PCNX3: variants seen among roughly 807,000 people sequenced by gnomAD.
PCNX3 encodes pecanex-like protein 3.
In PCNX3, 58 loss-of-function variants were observed where a neutral mutation model predicts 207.2. The ratio of observed to expected loss-of-function variants is 0.28; its 90% CI spans 0.23 to 0.35. PCNX3 has a LOEUF of 0.35. Among genes scored for constraint, PCNX3 ranks in the 10% least tolerant of loss-of-function variants. The probability of loss-of-function intolerance (pLI) is 1.00; values close to 1 mark genes in which losing one functional copy is unlikely to be tolerated. For synonymous variants in PCNX3, 1,337 were observed against 1,183.5 expected (o/e 1.13, Z -2.66); for missense variants, 2,410 against 2,774.4 (o/e 0.87, Z 2.95).
At position 65,622,156 on chromosome 11, in the gene PCNX3, GACCA is replaced by G; in HGVS notation, c.2236-88_2236-85del. 3 of 1,229,284 alleles carry G rather than the reference GACCA, an allele frequency of 2.4e-6. No homozygotes were observed. The South Asian group carries it at 4.3e-5, about 17-fold the overall frequency. 76.1% of individuals were successfully genotyped at this position (1,229,284 alleles called of 1,614,324 possible). A position where few individuals can be genotyped will look rare whatever the true frequency, so the allele number is the denominator to read the frequency against. On this transcript the variant is annotated intron_variant, in intron 10 of 34. Transcript: ENST00000355703. ...GGTGTGCTGAAGGGGGGTAACAGTA[GACCA>G]TGTGGGGGGTGGCGGGGCTGACGGC...
In PCNX3 at chr11:65,616,982, G is replaced by A. The variant is rs1305265707; in HGVS notation, c.312G>A (p.Glu104=). Residue 104 remains glutamate, a synonymous_variant, in exon 2 of 35, where the codon GAG becomes GAA. Transcript: ENST00000355703. ...RSSTMGELEE[E]PAQGDSNPPR... is the part of the protein sequence containing the mutation. ...CTACCATGGGGGAGCTGGAGGAAGA[G>A]CCTGCCCAGGGGGACAGCAATCCAC... The A allele has an allele frequency of 5.0e-6, 8 of 1,612,222 alleles. No individual in the cohort carries two copies. The highest frequency in any genetic ancestry group is 2.2e-5 in the East Asian group (1 of 44,876).
intron 23 of PCNX3, 38 bp downstream of exon 23, chr11:65,628,741 G>T (rs780275691): frequency 6.8e-5 from 109 of 1,603,988 alleles, no homozygotes; most frequent in Non-Finnish European, 9.2e-5. Context: ...GTGCAGGGAG[G>T]GCTGTGGCCT....
At chr11:65,626,758 C>A in intron 20 of PCNX3, 146 bp from the exon 21 acceptor site, 1 of 1,204,328 alleles carries the variant, frequency 8.3e-7, no homozygotes, top group South Asian at 1.5e-5. Context: ...GGGCTCGCTG[C>A]TCCCATTTGA....
chr11:65,616,716 A>G, intron 1 of PCNX3, 108 bp from the exon 2 acceptor site: 1 of 1,274,490 alleles, frequency 7.8e-7, no homozygotes. Context: ...TGGAGAGGTG[A>G]TGAAATTTTC....
At position 65,628,975 on chromosome 11, in the gene PCNX3, G is replaced by A. The variant is rs375053200; in HGVS notation, c.3941+27G>A. 59 of 1,607,578 alleles carry A rather than the reference G, an allele frequency of 3.7e-5. No homozygotes were observed. The African/African-American group carries it at 6.9e-4, about 19-fold the overall frequency. ...TGAGTCTCACAGGAGGCGGGAGCAT[G>A]CCCAGCAGGGCAGGAAGGGAGAGGT... On this transcript the variant is annotated intron_variant, in intron 24 of 34. Coordinates refer to ENST00000355703, the MANE Select transcript of PCNX3 (RefSeq NM_032223.4).
In PCNX3 at chr11:65,618,342, C is replaced by A; in HGVS notation, c.980C>A (p.Pro327Gln). The A allele has an allele frequency of 1.2e-6, 2 of 1,611,988 alleles. No homozygotes were observed. Among genetic ancestry groups the A allele is most frequent in the African/African-American group, 1.3e-5 (1 of 75,062 alleles). The change falls in exon 6 of 35, where the codon CCA becomes CAA. Residue 327 changes from proline (P) to glutamine (Q), a missense_variant. Around this residue, in one of 8 missense-constraint regions of PCNX3, gnomAD observed 1,104 missense variants for 970.3 expected, o/e 1.14. Coordinates refer to ENST00000355703, the MANE Select transcript of PCNX3 (RefSeq NM_032223.4). ...AACTCCACCCATCTGGACAGCCCCC[C>A]AGGGGGGCCAGCCCCTGAGGGCAGC... ...KTNSTHLDSP[P>Q]GGPAPEGSDT...
At chr11:65,622,099 T>C (rs948359977) in intron 10 of PCNX3, 146 bp from the exon 11 acceptor site, 5 of 1,380,634 alleles carry the variant, frequency 3.6e-6, no homozygotes. Context: ...GACAGGGGCC[T>C]TTATGTGCTG....
chr11:65,618,865 C>T lies in PCNX3; in HGVS notation c.1503C>T (p.Ala501=). 1.2e-6 allele frequency: 2 copies of T among 1,610,856 alleles called. No homozygotes were observed. The highest frequency in any genetic ancestry group is 1.7e-6 in the Non-Finnish European group (2 of 1,179,144). Residue 501 remains alanine (A), a synonymous_variant, in exon 6 of 35, where the codon GCC becomes GCT. Transcript: ENST00000355703. ...TPSTASAKTH[A]RVLSMDGAGG... ...GTACCGCCAGCGCTAAAACACATGCCCGTGTGCTGAGCATGGATGGGGCTG... is the reference window on the plus strand; with the variant it reads ...GTACCGCCAGCGCTAAAACACATGCTCGTGTGCTGAGCATGGATGGGGCTG...
chr11:65,636,897 G>A lies in PCNX3; in HGVS notation c.6024G>A (p.Met2008Ile), dbSNP rs757165824. The change falls in exon 35 of 35, where the codon ATG becomes ATA. Residue 2008 changes from methionine to isoleucine, a missense_variant. By Grantham distance (10) the Met-to-Ile change is conservative. Around this residue, in one of 8 missense-constraint regions of PCNX3, gnomAD observed 278 missense variants for 245.1 expected, o/e 1.13. Transcript: ENST00000355703. Reference protein sequence around the residue: ...DSSAPESGTPMGALGDWPAPI... With the variant: ...DSSAPESGTPIGALGDWPAPI... ...GTGCCCCTGAGAGTGGCACACCTAT[G>A]GGTGCCCTGGGCGACTGGCCTGCCC... The A allele has an allele frequency of 8.4e-6, 13 of 1,554,758 alleles. 1 individual carries two copies. In the South Asian group the frequency reaches 1.4e-4, roughly 17 times the overall value.
At position 65,618,783 on chromosome 11, in the gene PCNX3, C is replaced by T; in HGVS notation, c.1421C>T (p.Ala474Val). The change falls in exon 6 of 35, where the codon GCT becomes GTT. Residue 474 changes from alanine (A) to valine (V), a missense_variant. Ala to Val is a moderately conservative substitution (Grantham distance 64). Around this residue, in one of 8 missense-constraint regions of PCNX3, gnomAD observed 1,104 missense variants for 970.3 expected, o/e 1.14. Transcript: ENST00000355703. ...CGGAAGCGGAGGGCCCCCCATGGGG[C>T]TGAGGAGGGAACTGCTGTGCCCCCC... ...GPRKRRAPHG[A>V]EEGTAVPPKR... The T allele has an allele frequency of 6.2e-7, 1 of 1,611,514 alleles. No individual in the cohort carries two copies.
intron 2 of PCNX3, 80 bp from the exon 3 acceptor site, chr11:65,617,170 G>A (rs1854782601): frequency 6.2e-6 from 9 of 1,442,188 alleles, no homozygotes; most frequent in Admixed American, 4.1e-5. Flanking sequence ...TTCTGAAAAA[G>A]AAGCAGTGAC....
At chr11:65,633,465 C>T (rs1357730937) in intron 27 of PCNX3, among the ~76,000 whole-genome samples, 5 of 152,224 alleles carry the variant, frequency 3.3e-5, no homozygotes, top group Non-Finnish European at 7.3e-5. Flanking sequence ...GCCCCGAGAT[C>T]TGGATCCCAC....
chr11:65,632,114 T>C (rs1241910149), intron 27 of PCNX3, among the ~76,000 whole-genome samples: 1 of 152,036 alleles, frequency 6.6e-6, no homozygotes, highest in Non-Finnish European at 1.5e-5. Context: ...CCTGCTAGGC[T>C]AGGGCCAGCA....
chr11:65,628,384 C>A (rs1228384067), intron 22 of PCNX3, among the ~76,000 whole-genome samples: 1 of 152,174 alleles, frequency 6.6e-6, no homozygotes, highest in Non-Finnish European at 1.5e-5. Context: ...AACTAAATGG[C>A]CACCGCCCCC....
rs763324193 is a variant in PCNX3 at position 65,626,864 on chromosome 11, A to G, written c.3380-40A>G. ...AAGGACTTCCTCAGGGAAGGCAGGC[A>G]TGTGGAAGCCAGGTGCAGAGTCCTG... is the stretch of plus-strand genomic sequence containing the variant. On this transcript the variant is annotated intron_variant, in intron 20 of 34. Transcript: ENST00000355703. 4.5e-6 allele frequency: 7 copies of G among 1,564,576 alleles called. No homozygotes were observed. In the South Asian group the frequency reaches 4.7e-5, roughly 11 times the overall value.
chr11:65,622,764 T>TA (rs1855176300), intron 11 of PCNX3, among the ~76,000 whole-genome samples: 1 of 151,750 alleles, frequency 6.6e-6, no homozygotes, highest in Middle Eastern at 3.2e-3. Flanking sequence ...CCTGGCTAAT[T>TA]TTTGTATTTT....
At position 65,635,943 on chromosome 11, in the gene PCNX3, C is replaced by T; in HGVS notation, c.5459+140C>T. On this transcript the variant is annotated intron_variant, in intron 32 of 34. Transcript: ENST00000355703. The surrounding 1 kb of genome is among the most constrained non-coding windows in gnomAD (Gnocchi z 9.9). ...GACCCCCTCCCAGAGCTGACCTGCC[C>T]CTCCTAGATGTCACCTTACCCCCAG... 1.5e-6 allele frequency: 2 copies of T among 1,307,272 alleles called. No homozygotes were observed. The highest frequency in any genetic ancestry group is 1.0e-6 in the Non-Finnish European group (1 of 971,308). 81.0% of individuals were successfully genotyped at this position (1,307,272 alleles called of 1,614,324 possible).
In PCNX3 at chr11:65,623,521, C is replaced by T. The variant is rs1458883729; in HGVS notation, c.2388C>T (p.Gly796=). 1.4e-5 allele frequency: 22 copies of T among 1,612,758 alleles called. No individual in the cohort carries two copies. The East Asian group carries it at 2.0e-4, about 15-fold the overall frequency. ...RTRGVLENIF[G]VGLSSLVAFL... Reference sequence around the variant, plus strand: ...GGGGAGTGCTGGAGAACATCTTCGGCGTGGGCCTGAGCAGCCTTGTGGCCT... The same window carrying T: ...GGGGAGTGCTGGAGAACATCTTCGGTGTGGGCCTGAGCAGCCTTGTGGCCT... The change falls in exon 12 of 35, where the codon GGC becomes GGT. Residue 796 remains glycine, a synonymous_variant. Transcript: ENST00000355703.
At chr11:65,619,479 C>T (rs1432149487) in intron 6 of PCNX3, 58 bp from the exon 7 acceptor site, 22 of 1,585,126 alleles carry the variant, frequency 1.4e-5, no homozygotes, top group Non-Finnish European at 1.8e-5. Flanking sequence ...CCCAACCTTA[C>T]TCCCCCAGCC....
Sources: gnomAD v4.1 joint callset for allele counts (sites outside exome capture counted in the v4.1 genomes callset) on GRCh38, gnomAD v4.1.1 for gene constraint, gnomAD v4.1.1 regional missense constraint, Gnocchi (gnomAD v3.1) non-coding constraint, MANE v1.5 for transcripts, NCBI Gene and HGNC (gene_info 2026-07-23, HGNC 2026-07-21) for gene names.